ANK3: variants seen among roughly 807,000 people sequenced by gnomAD.
The protein encoded by ANK3 is ankyrin-3.
A neutral mutation model predicts 370.9 loss-of-function variants in ANK3; 57 were observed. That is an observed-to-expected ratio of 0.15 (90% CI 0.12 to 0.19). The LOEUF (loss-of-function observed/expected upper bound fraction) is 0.19. ANK3 is among the 10% of genes least tolerant of loss of function. ANK3 has a pLI of 1.00. For synonymous variants in ANK3, 1,929 were observed against 1,946.3 expected (o/e 0.99, Z 0.23); for missense variants, 4,439 against 5,302.1 (o/e 0.84, Z 5.06).
At chr10:60,532,643 C>T (rs1377709039) in intron 2 of ANK3, among the ~76,000 whole-genome samples, 2 of 152,100 alleles carry the variant, frequency 1.3e-5, no homozygotes, top group African/African-American at 2.4e-5. Flanking sequence ...GACTGGGGGT[C>T]GTGGTGATCA....
intron 1 of ANK3, among the ~76,000 whole-genome samples, chr10:60,353,141 T>C (rs1301287191): frequency 6.7e-6 from 1 of 148,438 alleles, no homozygotes; most frequent in African/African-American, 2.5e-5. Context: ...CCATCACACC[T>C]GGCTAATTTT....
chr10:60,305,700 AT>A (rs773131656), intron 1 of ANK3, among the ~76,000 whole-genome samples: 26 of 152,304 alleles, frequency 1.7e-4, no homozygotes, highest in Admixed American at 9.8e-4. Flanking sequence ...AAGACTAATA[AT>A]TCCCATAATT....
At chr10:60,568,545 T>C (rs1244908680) in intron 2 of ANK3, among the ~76,000 whole-genome samples, 1 of 152,204 alleles carries the variant, frequency 6.6e-6, no homozygotes, top group Non-Finnish European at 1.5e-5. Context: ...GCCTACCATA[T>C]CTGTGAGGTA....
intron 25 of ANK3, among the ~76,000 whole-genome samples, chr10:60,129,549 CGA>C (rs1242766537): frequency 6.6e-6 from 1 of 152,050 alleles, no homozygotes; most frequent in Non-Finnish European, 1.5e-5. Flanking sequence ...GTCAGGAGTT[CGA>C]GACAAGCCTG....
In ANK3 at chr10:60,527,131, A is replaced by G. The variant is rs148239293; in HGVS notation, c.96+88055T>C. ...AAAGAAATTGTAGAAAACAAATGAC[A>G]ATTAACTTCTAAGTCAATGGCTCTT... On this transcript the variant is annotated intron_variant, in intron 2 of 43. Transcript: ENST00000373827. 6.0e-4 allele frequency among the ~76,000 whole-genome samples: 92 copies of G among 152,296 alleles called. 1 individual carries two copies. The highest frequency in any genetic ancestry group is 2.0e-3 in the African/African-American group (83 of 41,576).
At chr10:60,326,120 C>T (rs1356082583) in intron 1 of ANK3, among the ~76,000 whole-genome samples, 2 of 151,864 alleles carry the variant, frequency 1.3e-5, no homozygotes, top group Non-Finnish European at 2.9e-5. Context: ...GACACTGGGG[C>T]CTTTTGGAGG....
rs141830171 is a variant in ANK3, at chr10:60,661,531, T to A, written c.58-46307A>T. On this transcript the variant is annotated intron_variant, in intron 1 of 43. Transcript: ENST00000373827. ...ACAAACTTCATTGTTTTTACCTGTG[T>A]ATTCTACAGCTTTGTTTATGGATAG... 1.4e-4 allele frequency among the ~76,000 whole-genome samples: 21 copies of A among 152,314 alleles called. No homozygotes were observed. The East Asian group carries it at 3.3e-3, about 24-fold the overall frequency.
At chr10:60,415,528 A>G (rs1191196453) in intron 2 of ANK3, among the ~76,000 whole-genome samples, 7 of 152,142 alleles carry the variant, frequency 4.6e-5, no homozygotes, top group Non-Finnish European at 1.0e-4. Context: ...GCAGCAGGAA[A>G]GTGGGCACAA....
intron 24 of ANK3, among the ~76,000 whole-genome samples, chr10:60,137,607 T>A (rs1050141230): frequency 6.6e-6 from 1 of 151,872 alleles, no homozygotes; most frequent in East Asian, 1.9e-4. Context: ...GTAAAAAAAA[T>A]GAGTTACATA....
intron 43 of ANK3, among the ~76,000 whole-genome samples, chr10:60,037,834 G>A (rs896965338): frequency 3.3e-5 from 5 of 152,126 alleles, no homozygotes; most frequent in East Asian, 3.8e-4. Context: ...TGGGTTGAAC[G>A]GTCGTTCTGT....
intron 2 of ANK3, among the ~76,000 whole-genome samples, chr10:60,464,036 A>G (rs973068407): frequency 7.9e-5 from 12 of 152,156 alleles, no homozygotes; most frequent in Non-Finnish European, 1.3e-4. Flanking sequence ...TCACACAGAG[A>G]TTTCTCTCCA....
Position 60,074,198 on chromosome 10 carries a change from T to C in ANK3, c.6683A>G (p.Asp2228Gly), listed in dbSNP as rs554371575. Residue 2228 changes from aspartate (D) to glycine (G), a missense_variant, in exon 37 of 44, where the codon GAT becomes GGT. Asp to Gly is a moderately conservative substitution (Grantham distance 94). Coordinates refer to ENST00000280772, the MANE Select transcript of ANK3 (RefSeq NM_020987.5). Reference protein sequence around the residue: ...AFQMKASSEEDDHNRVLSKGM... With the variant: ...AFQMKASSEEGDHNRVLSKGM... ...TTTGCTTAAAACCCGATTGTGGTCA[T>C]CTTCTTCACTACTGGCTTTCATTTG... 7 of 1,614,130 alleles carry C rather than the reference T, an allele frequency of 4.3e-6. No homozygotes were observed. The highest frequency in any genetic ancestry group is 5.9e-6 in the Non-Finnish European group (7 of 1,180,008).
intron 2 of ANK3, among the ~76,000 whole-genome samples, chr10:60,550,524 A>T (rs1017737006): frequency 1.3e-5 from 2 of 152,072 alleles, no homozygotes; most frequent in Admixed American, 6.5e-5. Flanking sequence ...ATGGCTATAT[A>T]AATTTCTTCT....
intron 7 of ANK3, among the ~76,000 whole-genome samples, chr10:60,253,757 A>T (rs766666352): frequency 6.6e-6 from 1 of 152,220 alleles, no homozygotes; most frequent in Non-Finnish European, 1.5e-5. Context: ...GGGGAGGTTT[A>T]CATAACCCTT....
intron 2 of ANK3, among the ~76,000 whole-genome samples, chr10:60,481,488 A>G (rs992495605): frequency 1.3e-5 from 2 of 152,092 alleles, no homozygotes; most frequent in Admixed American, 1.3e-4. Flanking sequence ...TTTGAGATAG[A>G]GTTTTGCTCT....
intron 14 of ANK3, among the ~76,000 whole-genome samples, chr10:60,197,244 A>G (rs1311518024): frequency 6.6e-6 from 1 of 152,178 alleles, no homozygotes; most frequent in Non-Finnish European, 1.5e-5. Context: ...GACGACGTCT[A>G]TTCTGTAGGT....
intron 1 of ANK3, among the ~76,000 whole-genome samples, chr10:60,687,105 T>A (rs2079278862): frequency 1.3e-5 from 2 of 152,230 alleles, no homozygotes; most frequent in African/African-American, 4.8e-5. Flanking sequence ...CTATATCATC[T>A]AGGTTTGTGT....
At chr10:60,261,170 G>A (rs775207269) in intron 7 of ANK3, among the ~76,000 whole-genome samples, 7 of 152,176 alleles carry the variant, frequency 4.6e-5, no homozygotes, top group African/African-American at 7.2e-5. Flanking sequence ...GAGTCTCAGA[G>A]TCCAGGATTT....
At chr10:60,697,370 C>A (rs1381243116) in intron 1 of ANK3, among the ~76,000 whole-genome samples, 7 of 151,662 alleles carry the variant, frequency 4.6e-5, no homozygotes, top group African/African-American at 1.7e-4. Flanking sequence ...ATCAAGCTAC[C>A]AATGACTTTC....
Sources: gnomAD v4.1 joint callset for allele counts (sites outside exome capture counted in the v4.1 genomes callset) on GRCh38, gnomAD v4.1.1 for gene constraint, MANE v1.5 for transcripts, NCBI Gene and HGNC (gene_info 2026-07-23, HGNC 2026-07-21) for gene names.